Variants in PIEZO2 observed in about 807,000 individuals in gnomAD.
The protein encoded by PIEZO2 is piezo type mechanosensitive ion channel component 2.
PIEZO2 carries 172 observed loss-of-function variants against 337.3 expected under a neutral mutation model. The observed-to-expected ratio is 0.51, with a 90% CI of 0.45 to 0.58. PIEZO2 has a LOEUF of 0.58. Among genes scored for constraint, PIEZO2 ranks in the 20% least tolerant of loss-of-function variants. The pLI is 0.00. For synonymous variants in PIEZO2, 1,251 were observed against 1,228.5 expected, an observed-to-expected ratio of 1.02 and a Z score of -0.38; for missense variants, 3,028 against 3,391.3, an observed-to-expected ratio of 0.89 and a Z score of 2.66.
intron 2 of PIEZO2, among the ~76,000 whole-genome samples, chr18:11,022,883 C>T (rs565296850): frequency 1.7e-4 from 26 of 152,122 alleles, no homozygotes; most frequent in African/African-American, 6.3e-4. Context: ...TTTGTTCCTT[C>T]TGATGTTCGG....
At chr18:10,754,869 T>G (rs1410566180) in intron 27 of PIEZO2, among the ~76,000 whole-genome samples, 5 of 152,208 alleles carry the variant, frequency 3.3e-5, no homozygotes, top group Non-Finnish European at 7.3e-5. Flanking sequence ...CCAATCCCAG[T>G]TCTGCTGTTG....
chr18:10,924,163 C>G (rs1231494893), intron 3 of PIEZO2, among the ~76,000 whole-genome samples: 1 of 152,262 alleles, frequency 6.6e-6, no homozygotes, highest in African/African-American at 2.4e-5. Context: ...ACCCTTGCAA[C>G]ATACACACTC....
At chr18:11,106,246 C>T (rs1444282401) in intron 1 of PIEZO2, among the ~76,000 whole-genome samples, 1 of 150,418 alleles carries the variant, frequency 6.6e-6, no homozygotes, top group Non-Finnish European at 1.5e-5. Flanking sequence ...ACCACCACGC[C>T]CAGCTAATTT....
chr18:10,971,042 G>T (rs968549364), intron 3 of PIEZO2, among the ~76,000 whole-genome samples: 1 of 152,112 alleles, frequency 6.6e-6, no homozygotes, highest in African/African-American at 2.4e-5. Context: ...CTTGATGCTT[G>T]GCATTAATCA....
At chr18:10,866,452 AT>A (rs1370032014) in intron 5 of PIEZO2, among the ~76,000 whole-genome samples, 1 of 151,984 alleles carries the variant, frequency 6.6e-6, no homozygotes, top group African/African-American at 2.4e-5. Flanking sequence ...CACCTGGCTA[AT>A]TTTTTGTATT....
chr18:11,053,500 C>A (rs1426748725), intron 2 of PIEZO2, among the ~76,000 whole-genome samples: 3 of 152,206 alleles, frequency 2.0e-5, no homozygotes, highest in Non-Finnish European at 4.4e-5. Flanking sequence ...ATTGCCTAGA[C>A]TGGCCTCCTG....
intron 2 of PIEZO2, among the ~76,000 whole-genome samples, chr18:11,007,808 A>T (rs547644329): frequency 6.1e-4 from 93 of 152,294 alleles, no homozygotes; most frequent in Middle Eastern, 3.4e-3. Context: ...GGCAAATGTA[A>T]ATATACTTTC....
At chr18:10,786,609 G>A (rs2039233332) in intron 16 of PIEZO2, among the ~76,000 whole-genome samples, 1 of 152,186 alleles carries the variant, frequency 6.6e-6, no homozygotes, top group African/African-American at 2.4e-5. Context: ...ACAAGTCTAT[G>A]AGCACTTGGA....
rs28476731 is a variant in PIEZO2, at chr18:10,706,683, G to A, written c.5589-937C>T. Among the ~76,000 whole-genome samples the A allele has an allele frequency of 4.3e-3, 646 of 151,968 alleles. 6 individuals carry two copies. The highest frequency in any genetic ancestry group is 0.015 in the African/African-American group (618 of 41,432). Reference sequence around the variant, plus strand: ...TGTTCCTTTAAACTTTCCCTGTCACGTCCATGCAGACAAGGTTGGCCAATG... The same window carrying A: ...TGTTCCTTTAAACTTTCCCTGTCACATCCATGCAGACAAGGTTGGCCAATG... On this transcript the variant is annotated intron_variant, in intron 40 of 55. Transcript: ENST00000674853.
At chr18:10,925,567 T>C (rs904315020) in intron 3 of PIEZO2, among the ~76,000 whole-genome samples, 10 of 152,118 alleles carry the variant, frequency 6.6e-5, no homozygotes, top group African/African-American at 2.2e-4. Context: ...CAAGGGTTTA[T>C]ACAAAAAGTG....
At position 10,675,258 on chromosome 18, in the gene PIEZO2, C is replaced by T. The variant is rs979157467; in HGVS notation, c.8112G>A (p.Val2704=). 1.9e-6 allele frequency: 3 copies of T among 1,541,030 alleles called. No homozygotes were observed. The highest frequency in any genetic ancestry group is 2.6e-6 in the Non-Finnish European group (3 of 1,139,858). ...VTIEKIYPYY[V]KAPSDSNSKP... is the part of the protein sequence containing the mutation. ...TTGAGTTAGAATCACTAGGTGCTTT[C>T]ACATAATATGGATAAATCTTTTCTA... Residue 2704 remains valine, a synonymous_variant, in exon 54 of 56, where the codon GTG becomes GTA. Transcript: ENST00000674853.
At chr18:10,758,728 T>A (rs2037992866) in intron 26 of PIEZO2, among the ~76,000 whole-genome samples, 1 of 152,204 alleles carries the variant, frequency 6.6e-6, no homozygotes, top group Non-Finnish European at 1.5e-5. Flanking sequence ...CATCCTCCTT[T>A]GCATTTGTAA....
chr18:10,791,390 A>C, intron 13 of PIEZO2, 66 bp from the exon 14 acceptor site: 2 of 1,399,278 alleles, frequency 1.4e-6, no homozygotes, highest in East Asian at 2.7e-5. Context: ...CATTCAACAA[A>C]TGTAACATTT....
intron 3 of PIEZO2, among the ~76,000 whole-genome samples, chr18:10,974,825 T>C (rs264232): frequency 0.5 from 75,527 of 152,108 alleles, 18,834 homozygotes; most frequent in Middle Eastern, 0.54. Context: ...CGTGGCAAGG[T>C]TTGGCCAGGA....
intron 22 of PIEZO2, 78 bp from the exon 23 acceptor site, chr18:10,762,703 T>C: frequency 2.7e-6 from 4 of 1,471,738 alleles, no homozygotes; most frequent in Non-Finnish European, 3.6e-6. Context: ...TCTTCAGCCT[T>C]GAGCAAAATG....
rs1301953325 is a variant in PIEZO2, at chr18:10,813,915, T to C, written c.918-6641A>G. Among the ~76,000 whole-genome samples the C allele has an allele frequency of 1.3e-5, 2 of 152,080 alleles. No homozygotes were observed. Among genetic ancestry groups the C allele is most frequent in the Non-Finnish European group, 2.9e-5 (2 of 68,020 alleles). ...TTCCCTATAGCCTTGCCAAGTCTTG[T>C]TATTTTATGCTTTTCAGAGTAGTCA... On this transcript the variant is annotated intron_variant, in intron 7 of 55. Transcript: ENST00000674853. This position sits in a 1 kb window ranked among gnomAD's most constrained non-coding sequence, Gnocchi z 4.2.
At chr18:10,938,583 T>A (rs1237698436) in intron 3 of PIEZO2, among the ~76,000 whole-genome samples, 1 of 152,226 alleles carries the variant, frequency 6.6e-6, no homozygotes. Context: ...AAATTAATTA[T>A]TTAGGCTTTA....
intron 4 of PIEZO2, among the ~76,000 whole-genome samples, chr18:10,908,104 T>C (rs1262904016): frequency 2.0e-5 from 3 of 152,238 alleles, no homozygotes; most frequent in African/African-American, 7.2e-5. Flanking sequence ...CGTGTATTTA[T>C]TATGAGACAA....
At chr18:10,732,238 C>A (rs745699300) in intron 35 of PIEZO2, among the ~76,000 whole-genome samples, 1 of 152,084 alleles carries the variant, frequency 6.6e-6, no homozygotes, top group Non-Finnish European at 1.5e-5. Flanking sequence ...GCAGAAAGAA[C>A]AAAAAGAAAA....
Sources: gnomAD v4.1 joint callset for allele counts (sites outside exome capture counted in the v4.1 genomes callset) on GRCh38, gnomAD v4.1.1 for gene constraint, Gnocchi (gnomAD v3.1) non-coding constraint, MANE v1.5 for transcripts, NCBI Gene and HGNC (gene_info 2026-07-23, HGNC 2026-07-21) for gene names.